The following PPOX variants were observed in gnomAD, a reference collection of about 807,000 sequenced individuals.
The protein encoded by PPOX is variegate porphyria.
Under a neutral mutation model 54.1 loss-of-function variants are expected in PPOX, and 23 were observed. That is an observed-to-expected ratio of 0.43 (90% confidence interval 0.31 to 0.60). The LOEUF is 0.60. Ranked by LOEUF, PPOX falls within the 20% of genes least tolerant of loss-of-function variation. PPOX has a pLI of 0.13. For missense variants in PPOX, 512 were observed against 601.1 expected (o/e 0.85, Z 1.55); for synonymous variants, 224 against 236.1 (o/e 0.95, Z 0.47).
At chr1:161,170,979 G>T (rs769130348) in intron 12 of PPOX, 30 bp downstream of exon 12, 1 of 1,614,140 alleles carries the variant, frequency 6.2e-7, no homozygotes, top group South Asian at 1.1e-5. Context: ...GGGCTGAGGA[G>T]GGCCAAGGAC....
chr1:161,171,523 G>A (rs974494638), downstream of PPOX: 2 of 580,456 alleles, frequency 3.4e-6, no homozygotes, highest in Non-Finnish European at 6.1e-6. Flanking sequence ...GGAGGGGCTT[G>A]GGGTCCAGCC....
intron 11 of PPOX, 64 bp downstream of exon 11, chr1:161,170,833 T>A: frequency 6.2e-7 from 1 of 1,613,646 alleles, no homozygotes; most frequent in Non-Finnish European, 8.5e-7. Context: ...ACTGGAACAT[T>A]TGTCACTGTA....
At chr1:161,176,171 A>T (rs1663443215), downstream of PPOX, 11 of 1,343,114 alleles carry the variant, frequency 8.2e-6, no homozygotes, top group Non-Finnish European at 1.1e-5. Flanking sequence ...AGGGGTAAAG[A>T]GGAAAAAGCA....
chr1:161,167,394 A>C lies in PPOX; in HGVS notation c.246A>C (p.Ser82=), dbSNP rs769095738. The C allele has an allele frequency of 6.2e-7, 1 of 1,613,960 alleles. No homozygotes were observed. The highest frequency in any genetic ancestry group is 2.2e-5 in the East Asian group (1 of 44,866). ...LLLVSELGLD[S]EVLPVRGDHP... ...AGGTTTCTGAGCTTGGCTTGGATTCAGAAGTGCTGCCTGTCCGGGGAGACC... is the reference window on the plus strand; with the variant it reads ...AGGTTTCTGAGCTTGGCTTGGATTCCGAAGTGCTGCCTGTCCGGGGAGACC... Residue 82 remains serine, a synonymous_variant, in exon 4 of 13, where the codon TCA becomes TCC. Transcript: ENST00000367999.
chr1:161,169,349 T>C, intron 7 of PPOX, 166 bp downstream of exon 7: 1 of 837,684 alleles, frequency 1.2e-6, no homozygotes, highest in Non-Finnish European at 1.9e-6. Context: ...TTGTGAACCT[T>C]CCTCAAAGAG....
At chr1:161,176,381 A>C in intron 4 of PPOX, 1 of 447,998 alleles carries the variant, frequency 2.2e-6, no homozygotes, top group Non-Finnish European at 4.1e-6. Context: ...TCATTTCAGA[A>C]AGTCTCTAGA....
chr1:161,171,967 G>C (rs766374908), downstream of PPOX: 11 of 1,614,068 alleles, frequency 6.8e-6, no homozygotes, highest in African/African-American at 1.1e-4. Context: ...CCGAGGGTCA[G>C]TCCCAATGTC....
downstream of PPOX, chr1:161,175,240 G>A: frequency 1.9e-6 from 3 of 1,608,722 alleles, no homozygotes; most frequent in Non-Finnish European, 2.6e-6. Context: ...TGTTGGGAAG[G>A]AATGGCAAGT....
At chr1:161,172,730 T>C (rs1012868280), downstream of PPOX, among the ~76,000 whole-genome samples, 7 of 151,866 alleles carry the variant, frequency 4.6e-5, no homozygotes, top group African/African-American at 7.3e-5. Flanking sequence ...ACATCCCCCA[T>C]GTTAAGAAAA....
chr1:161,173,541 G>C, downstream of PPOX: 1 of 1,609,270 alleles, frequency 6.2e-7, no homozygotes, highest in Non-Finnish European at 8.5e-7. Flanking sequence ...TATGGTCAAA[G>C]GTGGTCTTAG....
At chr1:161,167,540 C>G in intron 4 of PPOX, 54 bp downstream of exon 4, 1 of 1,221,058 alleles carries the variant, frequency 8.2e-7, no homozygotes. Flanking sequence ...ATATGCCTTC[C>G]ATTTCTTTCT....
downstream of PPOX, chr1:161,172,125 G>A (rs370188042): frequency 1.2e-5 from 20 of 1,612,864 alleles, no homozygotes; most frequent in African/African-American, 1.7e-4. Flanking sequence ...GACCCAGAAA[G>A]GAACAGCCAG....
rs375457983 is a variant in PPOX, at chr1:161,170,073, T to C, written c.987+49T>C. 165 of 1,575,618 alleles carry C rather than the reference T, an allele frequency of 1.0e-4. 1 individual carries two copies. In the South Asian group the frequency reaches 1.7e-3, roughly 16 times the overall value. ...TGGGCATGGTGGCTCACACCTGTAA[T>C]CCCAGCATTTTGGGAGGCCGAGGTG... On this transcript the variant is annotated intron_variant, in intron 9 of 12. Transcript: ENST00000367999.
rs778561221 is a variant in PPOX, at chr1:161,167,241, G to C, written c.222+7G>C. The C allele has an allele frequency of 7.4e-6, 12 of 1,614,172 alleles. No homozygotes were observed. The highest frequency in any genetic ancestry group is 1.0e-5 in the Non-Finnish European group (12 of 1,180,032). On this transcript the variant is annotated splice_region_variant and intron_variant, in intron 3 of 12. Coordinates refer to ENST00000367999, the MANE Select transcript of PPOX (RefSeq NM_001122764.3). ...GGCCCGGACCTTGCTCCTGGTGAGA[G>C]GCTTGTGGGATGTCTAGGAGAGGTT...
chr1:161,173,258 GC>G (rs1302679715), downstream of PPOX, among the ~76,000 whole-genome samples: 1 of 152,176 alleles, frequency 6.6e-6, no homozygotes, highest in Non-Finnish European at 1.5e-5. Context: ...ATGGAGCAGA[GC>G]CCCTCTCTCC....
downstream of PPOX, chr1:161,172,551 C>G (rs752292355): frequency 1.9e-6 from 1 of 519,892 alleles, no homozygotes; most frequent in Non-Finnish European, 3.3e-6. Flanking sequence ...ACCCTAGGGC[C>G]TTTAAACAGT....
intron 5 of PPOX, 51 bp from the exon 6 acceptor site, chr1:161,168,381 C>T: frequency 6.2e-7 from 1 of 1,612,816 alleles, no homozygotes; most frequent in East Asian, 2.2e-5. Context: ...CTGTGGAAAT[C>T]AGTCAGTGTA....
intron 6 of PPOX, 143 bp downstream of exon 6, chr1:161,168,719 G>T (rs778635563): frequency 3.0e-4 from 354 of 1,188,690 alleles, no homozygotes; most frequent in Non-Finnish European, 4.0e-4. Flanking sequence ...GTGCAGTGGT[G>T]CAATCTCAGA....
downstream of PPOX, chr1:161,174,121 G>T (rs1662534765): frequency 7.2e-6 from 11 of 1,519,174 alleles, 1 homozygote; most frequent in South Asian, 1.4e-4. Flanking sequence ...AAGAATAAAA[G>T]TGAAGGCCGG....
Sources: allele counts gnomAD v4.1 joint callset (sites outside exome capture counted in the v4.1 genomes callset), GRCh38; gene constraint gnomAD v4.1.1; transcripts MANE v1.5; gene names NCBI Gene and HGNC (gene_info 2026-07-23, HGNC 2026-07-21).